The following TBC1D19 variants were observed in gnomAD, a reference collection of about 807,000 sequenced individuals.
The protein encoded by TBC1D19 is TBC1 domain family, member 19.
A neutral mutation model predicts 89.0 loss-of-function variants in TBC1D19; 60 were observed. The observed-to-expected ratio is 0.67, with a 90% CI of 0.55 to 0.84. The LOEUF is 0.84. TBC1D19 is among the 40% of genes least tolerant of loss of function. The probability of loss-of-function intolerance (pLI) is 0.00; values close to 1 mark genes in which losing one functional copy is unlikely to be tolerated. For missense variants in TBC1D19, 500 were observed against 610.8 expected (o/e 0.82, Z 1.91); for synonymous variants, 189 against 199.7 (o/e 0.95, Z 0.45).
chr4:26,611,675 C>T (rs1032086151), intron 1 of TBC1D19, among the ~76,000 whole-genome samples: 4 of 152,064 alleles, frequency 2.6e-5, no homozygotes, highest in Non-Finnish European at 5.9e-5. Context: ...TGTATCATAT[C>T]TGTTTTAGTT....
intron 15 of TBC1D19, among the ~76,000 whole-genome samples, chr4:26,727,930 C>G (rs553264350): frequency 3.3e-5 from 5 of 152,000 alleles, no homozygotes; most frequent in African/African-American, 1.2e-4. Context: ...ACAGTTCTTT[C>G]TTCAAACAGC....
chr4:26,599,372 G>A (rs1342054971), intron 1 of TBC1D19, among the ~76,000 whole-genome samples: 3 of 152,066 alleles, frequency 2.0e-5, no homozygotes, highest in Non-Finnish European at 2.9e-5. Context: ...TACTGCCTTC[G>A]TTTTATCTGT....
the TBC1D19 span, among the ~76,000 whole-genome samples, chr4:26,768,426 G>A: frequency 2.6e-5 from 4 of 152,116 alleles, no homozygotes; most frequent in Non-Finnish European, 5.9e-5. Context: ...AAAGTAAAAT[G>A]TACAATACTT....
At chr4:26,666,200 G>T in intron 8 of TBC1D19, 133 bp from the exon 9 acceptor site, 1 of 590,706 alleles carries the variant, frequency 1.7e-6, no homozygotes, top group Non-Finnish European at 2.8e-6. Flanking sequence ...TTCTTTTTTA[G>T]GTATTTGAAT....
At chr4:26,781,660 T>C in the TBC1D19 span, among the ~76,000 whole-genome samples, 1 of 152,352 alleles carries the variant, frequency 6.6e-6, no homozygotes. Context: ...TTAGCAGAAA[T>C]ATGTTTTCCC....
intron 1 of TBC1D19, among the ~76,000 whole-genome samples, chr4:26,612,098 A>G (rs1294516480): frequency 6.6e-6 from 1 of 151,738 alleles, no homozygotes; most frequent in Admixed American, 6.6e-5. Flanking sequence ...CTTCCTGTAC[A>G]GATGTTGATG....
chr4:26,656,622 A>G (rs9942253), intron 7 of TBC1D19, among the ~76,000 whole-genome samples: 1,995 of 151,568 alleles, frequency 0.013, 30 homozygotes, highest in African/African-American at 0.044. Context: ...GCAGTGGCAC[A>G]ATCTTGGCTC....
chr4:26,828,017 G>A, the TBC1D19 span, among the ~76,000 whole-genome samples: 1 of 152,160 alleles, frequency 6.6e-6, no homozygotes. Flanking sequence ...GGGTTAAAGG[G>A]TAGATGGAAA....
chr4:26,630,658 C>T (rs190001324), intron 4 of TBC1D19, among the ~76,000 whole-genome samples: 258 of 152,086 alleles, frequency 1.7e-3, no homozygotes, highest in African/African-American at 6.0e-3. Flanking sequence ...CCTTTTGCTC[C>T]AGGACTTCTG....
At chr4:26,765,957 C>T in the TBC1D19 span, among the ~76,000 whole-genome samples, 2 of 152,080 alleles carry the variant, frequency 1.3e-5, no homozygotes, top group East Asian at 1.9e-4. Flanking sequence ...AAATTCTTTT[C>T]GATACACAAC....
chr4:26,661,062 A>C (rs1745193342), intron 8 of TBC1D19, among the ~76,000 whole-genome samples: 1 of 152,106 alleles, frequency 6.6e-6, no homozygotes, highest in South Asian at 2.1e-4. Flanking sequence ...TAGGGCTGAA[A>C]ATGTAGATTG....
intron 3 of TBC1D19, among the ~76,000 whole-genome samples, chr4:26,619,457 G>A (rs1031858334): frequency 5.9e-5 from 9 of 151,896 alleles, no homozygotes; most frequent in African/African-American, 1.5e-4. Context: ...CACCCACCTC[G>A]GCCTCCCAAA....
At chr4:26,750,890 G>T (rs1027936015) in intron 19 of TBC1D19, among the ~76,000 whole-genome samples, 1 of 152,172 alleles carries the variant, frequency 6.6e-6, no homozygotes, top group Non-Finnish European at 1.5e-5. Context: ...GATCAAGTGG[G>T]TTACTATGTA....
At chr4:26,715,552 T>G (rs553647170) in intron 13 of TBC1D19, among the ~76,000 whole-genome samples, 1 of 152,178 alleles carries the variant, frequency 6.6e-6, no homozygotes, top group East Asian at 1.9e-4. Context: ...ATAAGGACAA[T>G]TCTAGCTGCA....
At chr4:26,578,337 T>C (rs137967064) in intron 1 of TBC1D19, among the ~76,000 whole-genome samples, 2 of 152,302 alleles carry the variant, frequency 1.3e-5, no homozygotes, top group Non-Finnish European at 2.9e-5. Flanking sequence ...ACTTCCATAA[T>C]GGATGGAGAC....
At chr4:26,604,116 C>G (rs1468928996) in intron 1 of TBC1D19, among the ~76,000 whole-genome samples, 1 of 150,990 alleles carries the variant, frequency 6.6e-6, no homozygotes, top group East Asian at 1.9e-4. Context: ...AACGTTCATC[C>G]ATGTTGTAAC....
chr4:26,587,150 G>A (rs573056557), intron 1 of TBC1D19, among the ~76,000 whole-genome samples: 4 of 152,230 alleles, frequency 2.6e-5, no homozygotes, highest in African/African-American at 9.6e-5. Context: ...AATACTGATT[G>A]GCTTTGAATG....
chr4:26,707,795 A>G (rs1188070422), intron 13 of TBC1D19, among the ~76,000 whole-genome samples: 2 of 152,026 alleles, frequency 1.3e-5, no homozygotes, highest in African/African-American at 2.4e-5. Flanking sequence ...ATTAATACCA[A>G]TTTAACTTTA....
chr4:26,789,230 G>A, the TBC1D19 span, among the ~76,000 whole-genome samples: 1 of 152,178 alleles, frequency 6.6e-6, no homozygotes, highest in African/African-American at 2.4e-5. Flanking sequence ...ATTGGTAAGT[G>A]CCAATTAAAA....
Sources: gnomAD v4.1 joint callset for allele counts (sites outside exome capture counted in the v4.1 genomes callset) on GRCh38, gnomAD v4.1.1 for gene constraint, MANE v1.5 for transcripts, NCBI Gene and HGNC (gene_info 2026-07-23, HGNC 2026-07-21) for gene names.